DAB1: variants seen among roughly 807,000 people sequenced by gnomAD.
The protein encoded by DAB1 is DAB adaptor protein 1.
In DAB1, 15 loss-of-function variants were observed where a neutral mutation model predicts 64.6. The observed-to-expected ratio is 0.23, with a 90% CI of 0.16 to 0.36. The LOEUF (loss-of-function observed/expected upper bound fraction) is 0.36, where lower values mean the gene tolerates loss of function less well. DAB1 is among the 10% of genes least tolerant of loss of function. The pLI, the probability that DAB1 is intolerant of heterozygous loss-of-function variation, is 1.00. For synonymous variants in DAB1, 235 were observed against 251.9 expected (o/e 0.93, Z 0.64); for missense variants, 596 against 706.7 (o/e 0.84, Z 1.78).
At position 58,255,382 on chromosome 1, in the gene DAB1, T is replaced by G. The variant is rs1660905698; in HGVS notation, n.309+87970A>C. ...CAGAGTGAAGCCAGTTCTTTTCTAT[T>G]GATGATGTCATCACGTCTGTGAACT... On this transcript the variant is annotated intron_variant and non_coding_transcript_variant, in intron 4 of 20. Coordinates refer to the DAB1 transcript ENST00000485760. Among the ~76,000 whole-genome samples the G allele has an allele frequency of 1.3e-5, 2 of 152,028 alleles. 1 individual carries two copies. Among genetic ancestry groups the G allele is most frequent in the South Asian group, 4.2e-4 (2 of 4,812 alleles).
chr1:57,484,856 C>CA (rs1351018532), intron 7 of DAB1, among the ~76,000 whole-genome samples: 1 of 152,054 alleles, frequency 6.6e-6, no homozygotes, highest in Non-Finnish European at 1.5e-5. Flanking sequence ...GTCACATAGG[C>CA]AAAATGCCTG....
intron 3 of DAB1, among the ~76,000 whole-genome samples, chr1:58,359,126 T>A (rs1477683400): frequency 6.6e-6 from 1 of 152,038 alleles, no homozygotes; most frequent in Non-Finnish European, 1.5e-5. Context: ...TTTAATAACA[T>A]GAATGTCTGG....
At chr1:58,114,899 TA>T (rs1215128790) in intron 5 of DAB1, among the ~76,000 whole-genome samples, 1 of 152,038 alleles carries the variant, frequency 6.6e-6, no homozygotes, top group East Asian at 1.9e-4. Context: ...CATCATTTGT[TA>T]AAAAAAATTA....
intron 1 of DAB1, among the ~76,000 whole-genome samples, chr1:57,313,691 TA>T (rs1674935255): frequency 1.3e-5 from 2 of 152,228 alleles, no homozygotes; most frequent in African/African-American, 4.8e-5. Context: ...TTGTTAACAT[TA>T]TATTACGTTT....
At chr1:58,362,681 AT>A (rs1644178997) in intron 3 of DAB1, among the ~76,000 whole-genome samples, 1 of 152,236 alleles carries the variant, frequency 6.6e-6, no homozygotes, top group African/African-American at 2.4e-5. Context: ...GGGGCAATGC[AT>A]TCCATCAGTG....
chr1:57,166,132 T>C (rs1661190981), intron 2 of DAB1, among the ~76,000 whole-genome samples: 1 of 152,228 alleles, frequency 6.6e-6, no homozygotes, highest in African/African-American at 2.4e-5. Context: ...GCAATTATGC[T>C]ATGTTTATGC....
At chr1:57,903,012 C>A (rs78091015) in intron 5 of DAB1, among the ~76,000 whole-genome samples, 1,772 of 152,178 alleles carry the variant, frequency 0.012, 37 homozygotes, top group African/African-American at 0.04. Context: ...AAGCAAAGGC[C>A]CATCTTCCAT....
rs576047859 is a variant in DAB1 at position 58,139,307 on chromosome 1, A to T, written n.387+11204T>A. On this transcript the variant is annotated intron_variant and non_coding_transcript_variant, in intron 5 of 20. Coordinates refer to the DAB1 transcript ENST00000485760. ...ATGTTTACTGTATTCGTCCATTCTC[A>T]TGCTACTATGAAGAAATACCCGAGA... Among the ~76,000 whole-genome samples, 18 of 152,302 alleles carry T rather than the reference A, an allele frequency of 1.2e-4. No individual in the cohort carries two copies. The East Asian group carries it at 3.3e-3, about 28-fold the overall frequency.
chr1:57,685,208 T>C (rs1646681563), intron 6 of DAB1, among the ~76,000 whole-genome samples: 1 of 151,622 alleles, frequency 6.6e-6, no homozygotes, highest in African/African-American at 2.4e-5. Context: ...CACCTCGGCC[T>C]CCCAAAGTGC....
chr1:57,695,377 AAAG>A (rs1447466831), intron 6 of DAB1, among the ~76,000 whole-genome samples: 2,903 of 64,614 alleles, frequency 0.045, 120 homozygotes, highest in Middle Eastern at 0.08. Flanking sequence ...AGAAAGAAAG[AAAG>A]AAAGAAAGAA....
chr1:57,067,288 GA>G (rs1006259462), intron 8 of DAB1, among the ~76,000 whole-genome samples: 1 of 152,070 alleles, frequency 6.6e-6, no homozygotes, highest in Non-Finnish European at 1.5e-5. Context: ...ACTTAGAATC[GA>G]ATTGTGAAAC....
intron 1 of DAB1, chr1:58,534,108 T>A (rs1191526156): frequency 1.2e-6 from 1 of 866,954 alleles, no homozygotes; most frequent in South Asian, 1.3e-5. Context: ...TCATAAAAAA[T>A]AAGGACAATA....
chr1:58,468,833 C>T (rs1445993259), intron 3 of DAB1: 2 of 169,560 alleles, frequency 1.2e-5, no homozygotes, highest in Non-Finnish European at 2.4e-5. Context: ...ATTCAGTTAC[C>T]ATGGGCCTGA....
chr1:57,898,372 G>T (rs1016121660), intron 5 of DAB1, among the ~76,000 whole-genome samples: 1 of 152,112 alleles, frequency 6.6e-6, no homozygotes, highest in African/African-American at 2.4e-5. Context: ...AAAATTAGTT[G>T]TGTATATCTT....
At chr1:57,235,194 C>A (rs1668004844) in intron 2 of DAB1, among the ~76,000 whole-genome samples, 1 of 152,146 alleles carries the variant, frequency 6.6e-6, no homozygotes, top group Non-Finnish European at 1.5e-5. Flanking sequence ...TTCGGTTGGA[C>A]TCCCACTTTG....
intron 7 of DAB1, among the ~76,000 whole-genome samples, chr1:57,566,385 C>T (rs1645120651): frequency 6.6e-6 from 1 of 152,106 alleles, no homozygotes; most frequent in East Asian, 1.9e-4. Context: ...CAAGAGCAAA[C>T]ACATTCAAAA....
intron 7 of DAB1, among the ~76,000 whole-genome samples, chr1:57,555,752 A>C (rs938918923): frequency 4.6e-5 from 7 of 152,166 alleles, no homozygotes; most frequent in Non-Finnish European, 4.4e-5. Context: ...AGGATTTTTG[A>C]GTTCAAACTT....
chr1:57,924,834 G>A (rs767810812), intron 5 of DAB1, among the ~76,000 whole-genome samples: 18 of 151,742 alleles, frequency 1.2e-4, no homozygotes, highest in Non-Finnish European at 2.4e-4. Flanking sequence ...TCCTTCAAAT[G>A]GATTAGATGA....
intron 7 of DAB1, among the ~76,000 whole-genome samples, chr1:57,432,471 GA>G (rs894099852): frequency 2.6e-5 from 4 of 151,732 alleles, no homozygotes; most frequent in Admixed American, 6.6e-5. Context: ...GGACCAACTG[GA>G]AAAAAAATGC....
Sources: gnomAD v4.1 joint callset for allele counts (sites outside exome capture counted in the v4.1 genomes callset) on GRCh38, gnomAD v4.1.1 for gene constraint, MANE v1.5 for transcripts, NCBI Gene and HGNC (gene_info 2026-07-23, HGNC 2026-07-21) for gene names.